CACNA2D1: variants seen among roughly 807,000 people sequenced by gnomAD.
CACNA2D1 encodes the protein calcium voltage-gated channel auxiliary subunit alpha2delta 1, also known as voltage-dependent calcium channel subunit alpha-2/delta-1.
In CACNA2D1, 53 loss-of-function variants were observed where a neutral mutation model predicts 171.5. That is an observed-to-expected ratio of 0.31 (90% CI 0.25 to 0.39). The LOEUF (loss-of-function observed/expected upper bound fraction) is 0.39, where lower values mean the gene tolerates loss of function less well. Among genes scored for constraint, CACNA2D1 ranks in the 10% least tolerant of loss-of-function variants. CACNA2D1 has a pLI of 1.00. For synonymous variants in CACNA2D1, 442 were observed against 443.1 expected (o/e 1.00, Z 0.03); for missense variants, 903 against 1,299.8 (o/e 0.69, Z 4.69).
intron 31 of CACNA2D1, 119 bp downstream of exon 31, chr7:81,967,050 C>T (rs533812331): frequency 7.4e-6 from 5 of 678,986 alleles, no homozygotes; most frequent in Non-Finnish European, 1.3e-5. Context: ...TTCACATTTC[C>T]ATAGAATTTT....
At chr7:82,238,064 C>T (rs977639783) in intron 3 of CACNA2D1, among the ~76,000 whole-genome samples, 9 of 152,048 alleles carry the variant, frequency 5.9e-5, no homozygotes, top group South Asian at 2.1e-4. Flanking sequence ...AAAATAGATA[C>T]TATCTTCTAT....
intron 1 of CACNA2D1, among the ~76,000 whole-genome samples, chr7:82,400,110 T>C (rs1826202421): frequency 1.3e-5 from 2 of 150,816 alleles, no homozygotes; most frequent in Non-Finnish European, 3.0e-5. Flanking sequence ...TGTAGCCTTG[T>C]AGTATAGTTT....
intron 10 of CACNA2D1, among the ~76,000 whole-genome samples, chr7:82,039,612 G>C (rs934831521): frequency 6.6e-6 from 1 of 152,074 alleles, no homozygotes; most frequent in Non-Finnish European, 1.5e-5. Flanking sequence ...ATTCTATAAA[G>C]CAATATAATA....
chr7:82,236,502 A>C (rs1030022155), intron 3 of CACNA2D1, among the ~76,000 whole-genome samples: 1 of 152,100 alleles, frequency 6.6e-6, no homozygotes. Flanking sequence ...ACATTCACAA[A>C]AGAGCACATT....
chr7:82,223,558 AAAT>A (rs1337485061), intron 3 of CACNA2D1, among the ~76,000 whole-genome samples: 1 of 152,208 alleles, frequency 6.6e-6, no homozygotes, highest in Non-Finnish European at 1.5e-5. Context: ...GACATTCGGT[AAAT>A]CATACCTCAA....
intron 2 of CACNA2D1, chr7:82,343,108 T>A (rs917906473): frequency 2.0e-5 from 3 of 152,174 alleles, no homozygotes; most frequent in Non-Finnish European, 4.4e-5. Flanking sequence ...AAATTTATAG[T>A]GCATAATTTT....
chr7:81,993,658 A>T (rs929914689), intron 20 of CACNA2D1, among the ~76,000 whole-genome samples: 1 of 152,160 alleles, frequency 6.6e-6, no homozygotes, highest in Non-Finnish European at 1.5e-5. Flanking sequence ...TAGAATAAAT[A>T]ACTTTTCTTG....
intron 34 of CACNA2D1, among the ~76,000 whole-genome samples, chr7:81,962,881 C>A (rs1414939743): frequency 1.3e-5 from 2 of 151,950 alleles, no homozygotes; most frequent in Admixed American, 6.6e-5. Context: ...CCGCCCCCAA[C>A]AAAGAAACAA....
intron 1 of CACNA2D1, among the ~76,000 whole-genome samples, chr7:82,367,938 T>C (rs1821931617): frequency 6.6e-6 from 1 of 151,968 alleles, no homozygotes; most frequent in African/African-American, 2.4e-5. Flanking sequence ...GTATATAAAA[T>C]GTCCACAAAA....
At chr7:82,207,502 A>C (rs983317858) in intron 3 of CACNA2D1, among the ~76,000 whole-genome samples, 1 of 151,990 alleles carries the variant, frequency 6.6e-6, no homozygotes, top group African/African-American at 2.4e-5. Flanking sequence ...TGTACTTTTC[A>C]TGTTTGATTA....
chr7:82,274,538 TG>T (rs1301281369), intron 3 of CACNA2D1, among the ~76,000 whole-genome samples: 1 of 152,166 alleles, frequency 6.6e-6, no homozygotes, highest in Non-Finnish European at 1.5e-5. Flanking sequence ...TCTTCACTCT[TG>T]GGTTATAGAC....
chr7:82,308,816 C>G (rs961040163), intron 3 of CACNA2D1, among the ~76,000 whole-genome samples: 2 of 152,302 alleles, frequency 1.3e-5, no homozygotes, highest in South Asian at 4.1e-4. Flanking sequence ...CATACAAGTT[C>G]TCTGTCTTTG....
At chr7:82,109,603 TA>T (rs113593227) in intron 6 of CACNA2D1, among the ~76,000 whole-genome samples, 12,374 of 152,170 alleles carry the variant, frequency 0.081, 599 homozygotes, top group South Asian at 0.16. Flanking sequence ...AACTATCAAA[TA>T]AAAAAATATT....
intron 1 of CACNA2D1, among the ~76,000 whole-genome samples, chr7:82,427,896 C>T (rs1248985230): frequency 1.3e-5 from 2 of 152,058 alleles, no homozygotes; most frequent in African/African-American, 2.4e-5. Flanking sequence ...ATTAGAAAGG[C>T]AGCAACCCAA....
chr7:81,993,654 A>G lies in CACNA2D1; in HGVS notation c.1734+1214T>C, dbSNP rs534739937. 5.9e-5 allele frequency among the ~76,000 whole-genome samples: 9 copies of G among 152,308 alleles called. No homozygotes were observed. In the East Asian group the frequency reaches 1.4e-3, roughly 23 times the overall value. On this transcript the variant is annotated intron_variant, in intron 20 of 38. Transcript: ENST00000356860. ...TAAAAATTATAGTCATTCATAGAATAAATAACTTTTCTTGAAATACCAATA... is the reference window on the plus strand; with the variant it reads ...TAAAAATTATAGTCATTCATAGAATGAATAACTTTTCTTGAAATACCAATA...
intron 20 of CACNA2D1, 98 bp downstream of exon 20, chr7:81,994,770 A>C: frequency 1.5e-6 from 1 of 680,208 alleles, no homozygotes; most frequent in Non-Finnish European, 2.6e-6. Flanking sequence ...CCTGTTTTAT[A>C]AGTAAATAGT....
chr7:82,320,585 T>A (rs1030104996), intron 3 of CACNA2D1, among the ~76,000 whole-genome samples: 3 of 150,732 alleles, frequency 2.0e-5, no homozygotes. Context: ...CTAATTTTTT[T>A]TTTTTTTTTT....
In CACNA2D1 at chr7:82,044,345, T is replaced by C. The variant is rs577506180; in HGVS notation, c.880-6110A>G. On this transcript the variant is annotated intron_variant, in intron 10 of 38. Transcript: ENST00000356860. ...AAAAATAGGACACAACTATAGTTTC[T>C]GAAAAAATTGTTCAATATTTATTAC... is the stretch of plus-strand genomic sequence containing the variant. 3.3e-5 allele frequency among the ~76,000 whole-genome samples: 5 copies of C among 152,326 alleles called. No individual in the cohort carries two copies. The East Asian group carries it at 9.6e-4, about 29-fold the overall frequency.
At chr7:81,961,482 G>A (rs1584188410) in intron 36 of CACNA2D1, among the ~76,000 whole-genome samples, 1 of 150,796 alleles carries the variant, frequency 6.6e-6, no homozygotes, top group African/African-American at 2.4e-5. Context: ...TTACTATATA[G>A]AAAAATAAAT....
Sources: allele counts gnomAD v4.1 joint callset (sites outside exome capture counted in the v4.1 genomes callset), GRCh38; gene constraint gnomAD v4.1.1; transcripts MANE v1.5; gene names NCBI Gene and HGNC (gene_info 2026-07-23, HGNC 2026-07-21).